Variants in IQSEC1 observed in about 807,000 individuals in gnomAD.
IQSEC1 encodes the protein IQ motif and Sec7 domain ArfGEF 1.
A neutral mutation model predicts 91.0 loss-of-function variants in IQSEC1; 31 were observed. That is an observed-to-expected ratio of 0.34 (90% CI 0.26 to 0.46). The LOEUF (loss-of-function observed/expected upper bound fraction) is 0.46, where lower values mean the gene tolerates loss of function less well. IQSEC1 is among the 20% of genes least tolerant of loss of function. IQSEC1 has a pLI of 1.00. For missense variants in IQSEC1, 1,388 were observed against 1,575.6 expected (o/e 0.88, Z 2.02); for synonymous variants, 699 against 662.6 (o/e 1.05, Z -0.84).
chr3:13,176,696 T>C (rs1693736572), intron 1 of IQSEC1, among the ~76,000 whole-genome samples: 1 of 152,108 alleles, frequency 6.6e-6, no homozygotes, highest in African/African-American at 2.4e-5. Context: ...AGCACAGAGC[T>C]GGCAAGGGAC....
intron 2 of IQSEC1, among the ~76,000 whole-genome samples, chr3:13,116,189 T>C (rs368804614): frequency 6.6e-6 from 1 of 152,162 alleles, no homozygotes; most frequent in Non-Finnish European, 1.5e-5. Context: ...TAGGTGCCTG[T>C]GTGCCAGGCC....
intron 1 of IQSEC1, among the ~76,000 whole-genome samples, chr3:13,216,844 C>T (rs570980878): frequency 1.3e-5 from 2 of 152,346 alleles, no homozygotes; most frequent in African/African-American, 4.8e-5. Flanking sequence ...TTTAACTTCA[C>T]TTACCCCTGC....
At chr3:12,952,950 C>T (rs1015597764) in intron 1 of IQSEC1, among the ~76,000 whole-genome samples, 5 of 152,198 alleles carry the variant, frequency 3.3e-5, no homozygotes, top group African/African-American at 4.8e-5. Flanking sequence ...CGACCCTGGC[C>T]GGAGGAAGAG....
chr3:13,050,695 T>C (rs906524949), intron 1 of IQSEC1, among the ~76,000 whole-genome samples: 63 of 152,238 alleles, frequency 4.1e-4, no homozygotes, highest in African/African-American at 1.4e-3. Flanking sequence ...CTTTTTCATC[T>C]GTAATGTTTT....
intron 2 of IQSEC1, among the ~76,000 whole-genome samples, chr3:13,121,330 C>A (rs1706419578): frequency 6.6e-6 from 1 of 152,218 alleles, no homozygotes; most frequent in African/African-American, 2.4e-5. Flanking sequence ...CTCCTCCCAG[C>A]TACCTGAAGA....
intron 1 of IQSEC1, among the ~76,000 whole-genome samples, chr3:12,950,719 C>T (rs182817936): frequency 1.3e-4 from 19 of 150,034 alleles, no homozygotes; most frequent in South Asian, 4.3e-4. Flanking sequence ...CTCGGCTCAC[C>T]GCAAGCTTCA....
At chr3:13,227,094 G>A (rs1438836520) in intron 1 of IQSEC1, among the ~76,000 whole-genome samples, 1 of 151,824 alleles carries the variant, frequency 6.6e-6, no homozygotes, top group South Asian at 2.1e-4. Context: ...AAAAAATTCC[G>A]GCCAGGCGTG....
chr3:13,092,272 G>A (rs945467159), intron 2 of IQSEC1, among the ~76,000 whole-genome samples: 1 of 152,186 alleles, frequency 6.6e-6, no homozygotes, highest in Non-Finnish European at 1.5e-5. Context: ...AGTGCTCAGG[G>A]AAGTAAGTTC....
At chr3:13,017,476 C>T (rs534842446) in intron 1 of IQSEC1, among the ~76,000 whole-genome samples, 6 of 152,264 alleles carry the variant, frequency 3.9e-5, no homozygotes, top group East Asian at 1.9e-4. Flanking sequence ...GAGCTCTCGG[C>T]GACAAGTGCT....
rs749272326 is a variant in IQSEC1, at chr3:12,908,432, G to A, written c.2672C>T (p.Ala891Val). ...KESGNGTLSR[A>V]CLDDSYASGE... ...GCTGGCATAGCTGTCGTCCAGGCAG[G>A]CCCGGCTCAGTGTTCCGTTGCCCGA... The change falls in exon 12 of 14, where the codon GCC becomes GTC. Residue 891 changes from alanine to valine, a missense_variant. Ala to Val is a moderately conservative substitution (Grantham distance 64, BLOSUM62 0). Transcript: ENST00000613206. This position sits in a 1 kb window ranked among gnomAD's most constrained non-coding sequence, Gnocchi z 4.9. The A allele has an allele frequency of 6.2e-7, 1 of 1,613,428 alleles. No homozygotes were observed. The highest frequency in any genetic ancestry group is 1.7e-5 in the Admixed American group (1 of 60,028).
rs188489604 is a variant in IQSEC1, at chr3:13,089,986, C to T, written c.303-42464G>A. 2.7e-3 allele frequency among the ~76,000 whole-genome samples: 408 copies of T among 152,264 alleles called. 3 individuals carry two copies. The highest frequency in any genetic ancestry group is 0.022 in the Admixed American group (342 of 15,296). On this transcript the variant is annotated intron_variant, in intron 2 of 15. Coordinates refer to the IQSEC1 transcript ENST00000648114. Reference sequence around the variant, plus strand: ...ATCCCAGCACTTTGGGAGGCCAAGGCGGGTGGATCACGAGGTCAGGAGATC... The same window carrying T: ...ATCCCAGCACTTTGGGAGGCCAAGGTGGGTGGATCACGAGGTCAGGAGATC...
intron 1 of IQSEC1, among the ~76,000 whole-genome samples, chr3:13,009,947 A>G (rs1702805487): frequency 6.6e-6 from 1 of 152,182 alleles, no homozygotes; most frequent in African/African-American, 2.4e-5. Flanking sequence ...AAGGCAGTGG[A>G]GCATGTGGTT....
intron 1 of IQSEC1, among the ~76,000 whole-genome samples, chr3:12,943,218 C>T (rs987464298): frequency 2.0e-5 from 3 of 152,190 alleles, no homozygotes; most frequent in Admixed American, 6.5e-5. Context: ...CAGTGGTCCC[C>T]TCCGCCTCAC....
chr3:13,056,613 G>A (rs750241198), intron 1 of IQSEC1, among the ~76,000 whole-genome samples: 7 of 151,886 alleles, frequency 4.6e-5, no homozygotes, highest in Non-Finnish European at 1.0e-4. Context: ...TGAGCCTGTG[G>A]GCTCTGTCCC....
At chr3:13,216,812 A>T (rs1209769810) in intron 1 of IQSEC1, among the ~76,000 whole-genome samples, 1 of 152,336 alleles carries the variant, frequency 6.6e-6, no homozygotes, top group East Asian at 1.9e-4. Flanking sequence ...TATTCTATTC[A>T]TTAGCACATG....
Position 12,897,475 on chromosome 3 carries a change from T to C in IQSEC1, c.*3508A>G, listed in dbSNP as rs1197845367. 6.6e-6 allele frequency: 1 copy of C among 152,182 alleles called. No homozygotes were observed. Among genetic ancestry groups the C allele is most frequent in the African/African-American group, 2.4e-5 (1 of 41,442 alleles). The allele number at this position is 152,182 out of a possible 1,614,324, so 9.4% of individuals were successfully genotyped here. On this transcript the variant is annotated 3_prime_UTR_variant, in exon 14 of 14. Transcript: ENST00000613206. ...GCAAAAGATATTTTCCAAGAGGAGA[T>C]GCATGCTGTGTGCAGTCTCGATGTG...
rs1426412801 is a variant in IQSEC1, at chr3:13,193,253, G to T, written c.273-29120C>A. On this transcript the variant is annotated intron_variant, in intron 1 of 15. Coordinates refer to the IQSEC1 transcript ENST00000648114. This position sits in a 1 kb window ranked among gnomAD's most constrained non-coding sequence, Gnocchi z 4.2. ...CTCCCTCTCTGCCTGTGAGTGTGGA[G>T]TTCAACAGATCCACAGCTTCAGCCC... 6.6e-6 allele frequency among the ~76,000 whole-genome samples: 1 copy of T among 152,244 alleles called. No homozygotes were observed. The highest frequency in any genetic ancestry group is 1.5e-5 in the Non-Finnish European group (1 of 68,042).
chr3:13,179,435 G>T (rs1365385180), intron 1 of IQSEC1, among the ~76,000 whole-genome samples: 1 of 152,244 alleles, frequency 6.6e-6, no homozygotes, highest in East Asian at 1.9e-4. Context: ...AATGACCATG[G>T]AATGAAAACT....
At chr3:13,089,864 T>C (rs577289148) in intron 2 of IQSEC1, among the ~76,000 whole-genome samples, 1 of 152,342 alleles carries the variant, frequency 6.6e-6, no homozygotes, top group African/African-American at 2.4e-5. Flanking sequence ...ATTGTGGGGA[T>C]GGTTGTGCAA....
Sources: gnomAD v4.1 joint callset for allele counts (sites outside exome capture counted in the v4.1 genomes callset) on GRCh38, gnomAD v4.1.1 for gene constraint, Gnocchi (gnomAD v3.1) non-coding constraint, MANE v1.5 for transcripts, NCBI Gene and HGNC (gene_info 2026-07-23, HGNC 2026-07-21) for gene names.